The following CDH12 variants were observed in gnomAD, a reference collection of about 807,000 sequenced individuals.
The protein encoded by CDH12 is cadherin 12.
A neutral mutation model predicts 74.1 loss-of-function variants in CDH12; 41 were observed. That is an observed-to-expected ratio of 0.55 (90% CI 0.43 to 0.72). The LOEUF (loss-of-function observed/expected upper bound fraction) is 0.72, where lower values mean the gene tolerates loss of function less well. Ranked by LOEUF, CDH12 falls within the 30% of genes least tolerant of loss-of-function variation. CDH12 has a pLI of 0.00. For synonymous variants in CDH12, 399 were observed against 355.0 expected (o/e 1.12, Z -1.39); for missense variants, 945 against 977.2 (o/e 0.97, Z 0.44).
chr5:21,912,336 C>T (rs1267374326), intron 6 of CDH12, among the ~76,000 whole-genome samples: 1 of 151,304 alleles, frequency 6.6e-6, no homozygotes, highest in African/African-American at 2.4e-5. Flanking sequence ...AAGGGACTTA[C>T]ATAACTCTTA....
intron 6 of CDH12, among the ~76,000 whole-genome samples, chr5:21,888,396 A>G (rs1462497618): frequency 6.6e-6 from 1 of 152,140 alleles, no homozygotes; most frequent in Non-Finnish European, 1.5e-5. Context: ...GCAGGGAGAT[A>G]AATAGCATCT....
intron 1 of CDH12, among the ~76,000 whole-genome samples, chr5:22,730,360 T>C (rs563418377): frequency 9.9e-4 from 150 of 151,896 alleles, no homozygotes; most frequent in African/African-American, 3.6e-3. Context: ...GATCAGTTTT[T>C]CATGAGCTAT....
At chr5:22,124,166 A>AT (rs1167007896) in intron 4 of CDH12, among the ~76,000 whole-genome samples, 6 of 149,584 alleles carry the variant, frequency 4.0e-5, no homozygotes, top group Middle Eastern at 3.5e-3. Flanking sequence ...ATTTTATTTC[A>AT]TTTTTTTTGA....
At chr5:22,322,182 G>T (rs946300398) in intron 3 of CDH12, among the ~76,000 whole-genome samples, 7 of 151,928 alleles carry the variant, frequency 4.6e-5, no homozygotes, top group Non-Finnish European at 8.8e-5. Flanking sequence ...AAGTATAAAG[G>T]CCATTTAGGT....
chr5:21,816,649 A>AAAAAAAAAAAAAAAAAAC, intron 9 of CDH12, among the ~76,000 whole-genome samples: 1 of 145,178 alleles, frequency 6.9e-6, no homozygotes, highest in African/African-American at 2.5e-5. Flanking sequence ...AAAAAAAAAA[A>AAAAAAAAAAAAAAAAAAC]AAAAGAATAG....
Position 22,547,416 on chromosome 5 carries a change from G to A in CDH12, c.-522-42052C>T, listed in dbSNP as rs116088546. On this transcript the variant is annotated intron_variant, in intron 1 of 14. Coordinates refer to ENST00000382254, the MANE Select transcript of CDH12 (RefSeq NM_004061.5). ...GAGACTATAAATGCATTAATTAGTC[G>A]TCAGTCCAATTTCTCCTCAATGAAA... Among the ~76,000 whole-genome samples the A allele has an allele frequency of 5.5e-3, 841 of 152,152 alleles. 8 individuals carry two copies. The highest frequency in any genetic ancestry group is 0.019 in the African/African-American group (805 of 41,536).
intron 1 of CDH12, among the ~76,000 whole-genome samples, chr5:22,818,147 A>G (rs1205713124): frequency 6.6e-6 from 1 of 152,152 alleles, no homozygotes; most frequent in Admixed American, 6.6e-5. Context: ...GTCCTGTCCA[A>G]CATGGTTGAT....
In CDH12 at chr5:21,752,578, A is replaced by G. The variant is rs527397300; in HGVS notation, c.1886-342T>C. 4.6e-5 allele frequency among the ~76,000 whole-genome samples: 7 copies of G among 152,330 alleles called. No homozygotes were observed. The East Asian group carries it at 9.6e-4, about 21-fold the overall frequency. ...ATTGTAAGAATATAAGAAAACTTGA[A>G]TATTATCATCCATAAATAAGACTAC... is the stretch of plus-strand genomic sequence containing the variant. On this transcript the variant is annotated intron_variant, in intron 14 of 14. Coordinates refer to ENST00000382254, the MANE Select transcript of CDH12 (RefSeq NM_004061.5).
chr5:22,106,065 T>C (rs1164552406), intron 4 of CDH12, among the ~76,000 whole-genome samples: 1 of 152,180 alleles, frequency 6.6e-6, no homozygotes, highest in East Asian at 1.9e-4. Context: ...GTCTGATTTG[T>C]TGTTCTTTCC....
intron 1 of CDH12, among the ~76,000 whole-genome samples, chr5:22,605,226 C>T (rs72637712): frequency 0.06 from 9,110 of 152,226 alleles, 410 homozygotes; most frequent in East Asian, 0.24. Flanking sequence ...AGGCGTGGAG[C>T]CTGCCTGTCC....
intron 1 of CDH12, among the ~76,000 whole-genome samples, chr5:22,684,314 A>G (rs1411658686): frequency 6.6e-6 from 1 of 152,200 alleles, no homozygotes; most frequent in East Asian, 1.9e-4. Context: ...AAACAATTCA[A>G]TTACATTCTT....
chr5:22,109,154 G>A (rs1267534823), intron 4 of CDH12, among the ~76,000 whole-genome samples: 1 of 152,100 alleles, frequency 6.6e-6, no homozygotes, highest in African/African-American at 2.4e-5. Context: ...AATTTTCCAT[G>A]CATCTCTTGT....
intron 10 of CDH12, among the ~76,000 whole-genome samples, chr5:21,791,406 C>T (rs1335930222): frequency 3.9e-5 from 6 of 151,924 alleles, no homozygotes; most frequent in Non-Finnish European, 8.8e-5. Flanking sequence ...AGTGAAACAT[C>T]GTGTTTCTGC....
chr5:22,231,430 C>T (rs966824536), intron 3 of CDH12, among the ~76,000 whole-genome samples: 1 of 151,764 alleles, frequency 6.6e-6, no homozygotes. Context: ...ACACACTGTT[C>T]ATTAGGGGAT....
chr5:21,776,632 C>T (rs1745605229), intron 11 of CDH12, among the ~76,000 whole-genome samples: 1 of 152,148 alleles, frequency 6.6e-6, no homozygotes, highest in African/African-American at 2.4e-5. Context: ...ATGTGCCATC[C>T]TCCACCCCAT....
At chr5:22,227,928 C>G (rs965582263) in intron 3 of CDH12, among the ~76,000 whole-genome samples, 1 of 152,100 alleles carries the variant, frequency 6.6e-6, no homozygotes, top group Non-Finnish European at 1.5e-5. Flanking sequence ...ATGGAGCTCA[C>G]GTTCATCACA....
At chr5:21,852,881 C>T (rs956092194) in intron 7 of CDH12, among the ~76,000 whole-genome samples, 2 of 151,244 alleles carry the variant, frequency 1.3e-5, no homozygotes, top group African/African-American at 4.8e-5. Context: ...GGTCAGATTA[C>T]CCATTATAGC....
chr5:22,160,880 G>A (rs1748303933), intron 4 of CDH12, among the ~76,000 whole-genome samples: 1 of 152,094 alleles, frequency 6.6e-6, no homozygotes, highest in Admixed American at 6.5e-5. Flanking sequence ...TACAAGTTTG[G>A]GGGAAAAGCA....
intron 3 of CDH12, among the ~76,000 whole-genome samples, chr5:22,237,358 G>A (rs995477611): frequency 6.6e-6 from 1 of 152,058 alleles, no homozygotes; most frequent in Non-Finnish European, 1.5e-5. Context: ...TTGTGTTTTG[G>A]TCTGAGTGTT....
Sources: gnomAD v4.1 joint callset for allele counts (sites outside exome capture counted in the v4.1 genomes callset) on GRCh38, gnomAD v4.1.1 for gene constraint, MANE v1.5 for transcripts, NCBI Gene and HGNC (gene_info 2026-07-23, HGNC 2026-07-21) for gene names.